The following DRP2 variants were observed in gnomAD, a reference collection of about 807,000 sequenced individuals.
DRP2 encodes the protein dystrophin-related protein 2.
Under a neutral mutation model 78.2 loss-of-function variants are expected in DRP2, and 29 were observed. That is an observed-to-expected ratio of 0.37 (90% CI 0.28 to 0.51). The LOEUF is 0.51. DRP2 is among the 20% of genes least tolerant of loss of function. The probability of loss-of-function intolerance (pLI) is 0.94; values close to 1 mark genes in which losing one functional copy is unlikely to be tolerated. For missense variants in DRP2, 686 were observed against 770.6 expected, an observed-to-expected ratio of 0.89 and a Z score of 1.30; for synonymous variants, 290 against 281.9, an observed-to-expected ratio of 1.03 and a Z score of -0.29.
At chrX:101,239,890 T>A (rs959462040) in intron 6 of DRP2, among the ~76,000 whole-genome samples, 3 of 111,167 alleles carry the variant, frequency 2.7e-5, no homozygotes, top group Middle Eastern at 4.6e-3. Flanking sequence ...AATTTTTTTT[T>A]AAATTAGCTA....
intron 10 of DRP2, 139 bp from the exon 11 acceptor site, chrX:101,245,249 T>G: frequency 1.2e-6 from 1 of 815,752 alleles, no homozygotes; most frequent in South Asian, 2.5e-5. Context: ...AGGTGAACCC[T>G]TGGGCTTTGG....
At chrX:101,227,768 C>A (rs1922170283) in intron 2 of DRP2, among the ~76,000 whole-genome samples, 1 of 112,155 alleles carries the variant, frequency 8.9e-6, no homozygotes, top group Non-Finnish European at 1.9e-5. Context: ...CAGAAGAAAT[C>A]TATTCCTTTT....
In DRP2 at chrX:101,260,133, G is replaced by C. The variant is rs776834891; in HGVS notation, c.2713G>C (p.Glu905Gln). 1.7e-6 allele frequency: 2 copies of C among 1,211,461 alleles called. No homozygotes were observed. Among genetic ancestry groups the C allele is most frequent in the Non-Finnish European group, 2.2e-6 (2 of 895,463 alleles). Residue 905 changes from glutamate to glutamine, a missense_variant, in exon 23 of 24, where the codon GAG becomes CAG. Transcript: ENST00000395209. ...PQQSEGSHPREKGQTTPDTEA... is the reference protein window; with the variant it reads ...PQQSEGSHPRQKGQTTPDTEA... ...GCAGTCAGAAGGCAGTCACCCCCGG[G>C]AGAAGGGACAGACTACTCCAGATAC...
chrX:101,228,257 C>T (rs1922188073), intron 2 of DRP2, among the ~76,000 whole-genome samples: 1 of 112,243 alleles, frequency 8.9e-6, no homozygotes, highest in Admixed American at 9.5e-5. Context: ...TTGTTCACTG[C>T]ACTTTGATTT....
At chrX:101,232,940 A>G (rs747692345) in intron 3 of DRP2, among the ~76,000 whole-genome samples, 1 of 112,559 alleles carries the variant, frequency 8.9e-6, no homozygotes, top group South Asian at 3.7e-4. Flanking sequence ...GCCACGATCC[A>G]GTTTCTCTTC....
rs556873323 is a variant in DRP2 at position 101,259,746 on chromosome X, C to T, written c.2629-303C>T. On this transcript the variant is annotated intron_variant, in intron 22 of 23. Coordinates refer to ENST00000395209, the MANE Select transcript of DRP2 (RefSeq NM_001939.3). ...CTCCTGACCTCAGGTGATCCGCCTG[C>T]GTCAGCCTCCCAAAGTGCTGGGATT... Among the ~76,000 whole-genome samples, 801 of 112,003 alleles carry T rather than the reference C, an allele frequency of 7.2e-3. 2 individuals carry two copies. The highest frequency in any genetic ancestry group is 0.012 in the Non-Finnish European group (627 of 53,176).
chrX:101,238,971 A>G lies in DRP2; in HGVS notation c.439-10A>G. The G allele has an allele frequency of 8.3e-7, 1 of 1,207,094 alleles. No homozygotes were observed. The highest frequency in any genetic ancestry group is 1.1e-6 in the Non-Finnish European group (1 of 893,439). On this transcript the variant is annotated splice_polypyrimidine_tract_variant and intron_variant, in intron 5 of 23. Coordinates refer to ENST00000395209, the MANE Select transcript of DRP2 (RefSeq NM_001939.3). Reference sequence around the variant, plus strand: ...TCCTTTCCTGTTGACCATATTGCTAAACTTTATAGGCCTTTATGGAAGAAG... The same window carrying G: ...TCCTTTCCTGTTGACCATATTGCTAGACTTTATAGGCCTTTATGGAAGAAG...
chrX:101,254,591 G>T, intron 18 of DRP2, 30 bp downstream of exon 18: 1 of 1,210,633 alleles, frequency 8.3e-7, no homozygotes, highest in Non-Finnish European at 1.1e-6. Context: ...CAGGGGCTGT[G>T]GGCAGCCTCA....
intron 22 of DRP2, among the ~76,000 whole-genome samples, chrX:101,259,486 T>TTTAATTAA (rs1207645244): frequency 9.0e-6 from 1 of 110,973 alleles, no homozygotes; most frequent in African/African-American, 3.3e-5. Context: ...CCATTCTTTA[T>TTTAATTAA]TTAATTAATT....
At chrX:101,246,784 A>G in intron 11 of DRP2, among the ~76,000 whole-genome samples, 1 of 112,691 alleles carries the variant, frequency 8.9e-6, no homozygotes, top group Non-Finnish European at 1.9e-5. Context: ...TGTATACTAT[A>G]AAATGAATTT....
At chrX:101,257,429 T>TAAAAAA (rs57717609) in intron 21 of DRP2, among the ~76,000 whole-genome samples, 4 of 51,421 alleles carry the variant, frequency 7.8e-5, no homozygotes, top group Admixed American at 2.6e-4. Flanking sequence ...CAAGGCAAGA[T>TAAAAAA]AAAAAAAAAA....
At chrX:101,250,094 A>G (rs1923075689) in intron 14 of DRP2, among the ~76,000 whole-genome samples, 1 of 110,622 alleles carries the variant, frequency 9.0e-6, no homozygotes, top group African/African-American at 3.3e-5. Flanking sequence ...CAACAGTATC[A>G]TATCTGTGTC....
chrX:101,243,107 A>G lies in DRP2; in HGVS notation c.1054+125A>G, dbSNP rs763576313. The stretch of plus-strand genomic sequence containing the variant: ...TTGACATCCGAGAAGCAGTAAGGAT[A>G]AAACAGTGTGGTATAGTGGTTAAAA... On this transcript the variant is annotated intron_variant, in intron 9 of 23. Transcript: ENST00000395209. 260 of 608,923 alleles carry G rather than the reference A, an allele frequency of 4.3e-4. 1 individual carries two copies. The South Asian group carries it at 7.4e-3, about 17-fold the overall frequency. The allele number at this position is 608,923 out of a possible 1,213,427, so 50.2% of individuals were successfully genotyped here. A position where few individuals can be genotyped will look rare whatever the true frequency, so the allele number is the denominator to read the frequency against.
In DRP2 at chrX:101,250,409, G is replaced by A. The variant is rs1433734086; in HGVS notation, c.1541-14G>A. On this transcript the variant is annotated splice_polypyrimidine_tract_variant and intron_variant, in intron 14 of 23. Coordinates refer to ENST00000395209, the MANE Select transcript of DRP2 (RefSeq NM_001939.3). The stretch of plus-strand genomic sequence containing the variant: ...TGTGTCGGGGTTGGCCATTCTTGAC[G>A]GTGGGGCCAGCAGACCTCTTCAGCC... 2.5e-6 allele frequency: 3 copies of A among 1,211,187 alleles called. No homozygotes were observed. The highest frequency in any genetic ancestry group is 2.2e-5 in the Admixed American group (1 of 46,007).
At position 101,235,959 on chromosome X, in the gene DRP2, C is replaced by A. The variant is rs939937424; in HGVS notation, c.217C>A (p.Pro73Thr). ...GAACGGGTCTGTTGGTGCCTCTGGACCCCTGGAACCACCAGCCATGAATCT... is the reference window on the plus strand; with the variant it reads ...GAACGGGTCTGTTGGTGCCTCTGGAACCCTGGAACCACCAGCCATGAATCT... ...LLNGSVGASG[P>T]LEPPAMNLCW... is the part of the protein sequence containing the mutation. The change falls in exon 4 of 24, where the codon CCC (proline) becomes ACC (threonine). Residue 73 changes from proline to threonine, a missense_variant. Transcript: ENST00000395209. The A allele has an allele frequency of 1.2e-5, 14 of 1,210,120 alleles. No individual in the cohort carries two copies. Among genetic ancestry groups the A allele is most frequent in the Admixed American group, 8.7e-5 (4 of 45,831 alleles).
Position 101,260,737 on chromosome X carries a change from A to T in DRP2, c.*116A>T. ...ACTGGCCCCACATTCCTCAACTAGT[A>T]TTATTTGGGCTCTGGGCAGCAGCAG... On this transcript the variant is annotated 3_prime_UTR_variant, in exon 24 of 24. Transcript: ENST00000395209. 1 of 982,987 alleles carries T rather than the reference A, an allele frequency of 1.0e-6. No individual in the cohort carries two copies. The highest frequency in any genetic ancestry group is 1.4e-6 in the Non-Finnish European group (1 of 730,054). The allele number at this position is 982,987 out of a possible 1,213,427, so 81.0% of individuals were successfully genotyped here.
At chrX:101,222,586 A>C (rs1921932974) in intron 1 of DRP2, among the ~76,000 whole-genome samples, 1 of 112,628 alleles carries the variant, frequency 8.9e-6, no homozygotes, top group Admixed American at 9.4e-5. Context: ...ATAATCCTTA[A>C]ATTTTGAGTG....
Position 101,239,005 on chromosome X carries a change from C to T in DRP2, c.463C>T (p.Arg155Trp), listed in dbSNP as rs779203586. The change falls in exon 6 of 24, where the codon CGG becomes TGG. Residue 155 changes from arginine to tryptophan, a missense_variant. This residue lies in a region of DRP2 where 263 missense variants were observed against 239.1 expected (regional missense o/e 1.10). Coordinates refer to ENST00000395209, the MANE Select transcript of DRP2 (RefSeq NM_001939.3). The stretch of plus-strand genomic sequence containing the variant: ...GGCCTTTATGGAAGAAGTCAAGTCT[C>T]GGGGCCCCTACATCTATTCTGTGCT... Reference protein sequence around the residue: ...HAAFMEEVKSRGPYIYSVLES... With the variant: ...HAAFMEEVKSWGPYIYSVLES... 7.0e-5 allele frequency: 85 copies of T among 1,210,928 alleles called. No individual in the cohort carries two copies. The highest frequency in any genetic ancestry group is 8.9e-5 in the Non-Finnish European group (80 of 895,158).
rs1481789166 is a variant in DRP2 at position 101,242,459 on chromosome X, G to A, written c.963G>A (p.Trp321Ter). The A allele has an allele frequency of 8.3e-7, 1 of 1,209,813 alleles. No individual in the cohort carries two copies. ...CCCTGGAACAGATCAACGTCCGATG[G>A]AAACAACTACAGGTAGAAGAGCAGC... ...SQALEQINVR[W>*]KQLQASVSER... is the part of the protein sequence containing the mutation. The change falls in exon 8 of 24, where the codon TGG becomes TGA. Residue 321 changes from tryptophan (W) to a stop codon, truncating the protein, a stop_gained. Transcript: ENST00000395209. LOFTEE classifies it high-confidence loss of function.
Sources: gnomAD v4.1 joint callset for allele counts (sites outside exome capture counted in the v4.1 genomes callset) on GRCh38, gnomAD v4.1.1 for gene constraint, gnomAD v4.1.1 regional missense constraint, MANE v1.5 for transcripts, NCBI Gene and HGNC (gene_info 2026-07-23, HGNC 2026-07-21) for gene names.